UBE2U: variants seen among roughly 807,000 people sequenced by gnomAD.
UBE2U encodes ubiquitin conjugating enzyme E2 U, also known as ubiquitin-conjugating enzyme E2 U.
UBE2U carries 39 observed loss-of-function variants against 41.2 expected under a neutral mutation model. The observed-to-expected ratio is 0.95, with a 90% CI of 0.73 to 1.24. The LOEUF (loss-of-function observed/expected upper bound fraction) is 1.24. Among genes scored for constraint, UBE2U ranks in the 50% most tolerant of loss-of-function variants. The pLI, the probability that UBE2U is intolerant of heterozygous loss-of-function variation, is 0.00. For synonymous variants in UBE2U, 107 were observed against 117.8 expected (o/e 0.91, Z 0.60); for missense variants, 336 against 363.1 (o/e 0.93, Z 0.61).
chr1:64,245,894 G>A (rs1342706867), intron 8 of UBE2U, among the ~76,000 whole-genome samples: 1 of 152,100 alleles, frequency 6.6e-6, no homozygotes, highest in Non-Finnish European at 1.5e-5. Context: ...TGAGAGAAAT[G>A]GAGGCACAGA....
intron 8 of UBE2U, among the ~76,000 whole-genome samples, chr1:64,259,619 A>G (rs375771118): frequency 6.6e-5 from 10 of 151,910 alleles, no homozygotes; most frequent in East Asian, 5.8e-4. Flanking sequence ...AAACATTTCT[A>G]TGCCACCTAC....
intron 7 of UBE2U, among the ~76,000 whole-genome samples, chr1:64,237,159 A>G (rs1644681666): frequency 6.6e-6 from 1 of 151,972 alleles, no homozygotes; most frequent in Non-Finnish European, 1.5e-5. Flanking sequence ...ATCCTCCTTT[A>G]TGTTGCTCTA....
chr1:64,239,153 GAAGAA>G, intron 7 of UBE2U, among the ~76,000 whole-genome samples: 1 of 28,008 alleles, frequency 3.6e-5, no homozygotes, highest in African/African-American at 1.6e-4. Flanking sequence ...AGAAGAAGAA[GAAGAA>G]AGAAGAAGAA....
intron 8 of UBE2U, among the ~76,000 whole-genome samples, chr1:64,249,193 A>G (rs1434343544): frequency 6.6e-6 from 1 of 152,008 alleles, no homozygotes; most frequent in Non-Finnish European, 1.5e-5. Context: ...CCTGGCCAAC[A>G]TGGCAAAACC....
intron 8 of UBE2U, chr1:64,244,046 G>C: frequency 1.1e-6 from 1 of 913,728 alleles, no homozygotes; most frequent in Non-Finnish European, 1.8e-6. Flanking sequence ...GCTTCAAACA[G>C]TATCTGGTGC....
chr1:64,205,094 G>C (rs1403077101), intron 1 of UBE2U, among the ~76,000 whole-genome samples: 2 of 152,128 alleles, frequency 1.3e-5, no homozygotes, highest in East Asian at 3.8e-4. Flanking sequence ...TTATGTGTTT[G>C]TAAGTGTGTT....
In UBE2U at chr1:64,243,520, A is replaced by C. The variant is rs115888258; in HGVS notation, c.677+1787A>C. 4.5e-3 allele frequency among the ~76,000 whole-genome samples: 691 copies of C among 152,304 alleles called. 5 individuals are homozygous for C. The highest frequency in any genetic ancestry group is 0.016 in the African/African-American group (669 of 41,570). On this transcript the variant is annotated intron_variant, in intron 8 of 9. Coordinates refer to ENST00000371077, the MANE Select transcript of UBE2U (RefSeq NM_001366232.2). ...GTAATTGGTCTATATTGTGCATGCC[A>C]TATTAAGCATCTCTCAGTTTTTAAT...
intron 7 of UBE2U, among the ~76,000 whole-genome samples, chr1:64,239,157 A>AAGAAGAAGAAGAGAAGAAG: frequency 2.7e-5 from 1 of 37,070 alleles, no homozygotes; most frequent in East Asian, 1.0e-3. Flanking sequence ...GAAGAAGAAG[A>AAGAAGAAGAAGAGAAGAAG]AAGAAGAAGA....
chr1:64,262,056 T>G (rs1280083409), intron 9 of UBE2U, among the ~76,000 whole-genome samples: 1 of 152,146 alleles, frequency 6.6e-6, no homozygotes, highest in African/African-American at 2.4e-5. Context: ...ACTAAGCTAG[T>G]GGGTCATGAT....
intron 6 of UBE2U, among the ~76,000 whole-genome samples, chr1:64,227,891 A>G (rs962286524): frequency 1.3e-5 from 2 of 152,194 alleles, no homozygotes; most frequent in African/African-American, 4.8e-5. Context: ...ACTGAAAACC[A>G]CAAATATTTC....
At chr1:64,239,140 A>AGAGGAAGGGGAAGAGGAAGAGGAAGAG (rs1557730539) in intron 7 of UBE2U, among the ~76,000 whole-genome samples, 1 of 28,354 alleles carries the variant, frequency 3.5e-5, no homozygotes, top group Non-Finnish European at 6.0e-5. Context: ...AAGAAGAAGA[A>AGAGGAAGGGGAAGAGGAAGAGGAAGAG]GAAGAAGAAG....
chr1:64,252,240 T>A (rs1645022722), intron 8 of UBE2U, among the ~76,000 whole-genome samples: 1 of 152,056 alleles, frequency 6.6e-6, no homozygotes, highest in Admixed American at 6.5e-5. Context: ...TGGACAGAAC[T>A]CTGATCTCAC....
At chr1:64,266,999 C>A (rs1436456094) in intron 9 of UBE2U, 25 bp from the exon 10 acceptor site, 8 of 1,530,444 alleles carry the variant, frequency 5.2e-6, no homozygotes, top group Non-Finnish European at 7.0e-6. Context: ...TATTAAATTT[C>A]TATTTTTTAT....
At chr1:64,214,243 G>A (rs1156648719) in intron 4 of UBE2U, among the ~76,000 whole-genome samples, 2 of 152,170 alleles carry the variant, frequency 1.3e-5, no homozygotes, top group Non-Finnish European at 2.9e-5. Flanking sequence ...CTAGTCATAT[G>A]TGGCTACTGA....
chr1:64,206,543 T>C (rs769715914), intron 2 of UBE2U, among the ~76,000 whole-genome samples: 9 of 150,978 alleles, frequency 6.0e-5, no homozygotes, highest in Non-Finnish European at 1.2e-4. Flanking sequence ...AGGTAGTAGA[T>C]GGAAAGGACT....
intron 7 of UBE2U, among the ~76,000 whole-genome samples, chr1:64,241,074 A>G (rs755720249): frequency 2.0e-5 from 3 of 152,224 alleles, no homozygotes; most frequent in African/African-American, 4.8e-5. Flanking sequence ...AGGTAACTAG[A>G]GCAGGAATAA....
intron 7 of UBE2U, among the ~76,000 whole-genome samples, chr1:64,239,135 GAAGAAGAAGAAGAAGAAGAAGA>G (rs879922538): frequency 0.059 from 1,688 of 28,384 alleles, 46 homozygotes; most frequent in East Asian, 0.15. Context: ...AGAAGAAGAA[GAAGAAGAAGAAGAAGAAGAAGA>G]AAGAAGAAGA....
chr1:64,213,003 A>T (rs1651754455), intron 4 of UBE2U, among the ~76,000 whole-genome samples: 1 of 152,202 alleles, frequency 6.6e-6, no homozygotes, highest in Non-Finnish European at 1.5e-5. Context: ...AATGGGAAGG[A>T]AAAGAAAATC....
intron 6 of UBE2U, among the ~76,000 whole-genome samples, chr1:64,222,829 G>T (rs1027875577): frequency 6.6e-6 from 1 of 152,216 alleles, no homozygotes; most frequent in South Asian, 2.1e-4. Context: ...GGAAGAACTG[G>T]CCTGGCTGTA....
Sources: allele counts gnomAD v4.1 joint callset (sites outside exome capture counted in the v4.1 genomes callset), GRCh38; gene constraint gnomAD v4.1.1; transcripts MANE v1.5; gene names NCBI Gene and HGNC (gene_info 2026-07-23, HGNC 2026-07-21).